FLT4: variants seen among roughly 807,000 people sequenced by gnomAD.
FLT4 encodes the protein vascular endothelial growth factor receptor 3.
A neutral mutation model predicts 163.2 loss-of-function variants in FLT4; 30 were observed. The observed-to-expected ratio is 0.18, with a 90% confidence interval of 0.14 to 0.25. The LOEUF is 0.25. FLT4 is among the 10% of genes least tolerant of loss of function. The pLI, the probability that FLT4 is intolerant of heterozygous loss-of-function variation, is 1.00. For synonymous variants in FLT4, 884 were observed against 789.5 expected (o/e 1.12, Z -2.01); for missense variants, 1,510 against 1,863.8 (o/e 0.81, Z 3.50).
chr5:180,638,667 C>T (rs201473657), intron 1 of FLT4, among the ~76,000 whole-genome samples: 1 of 152,172 alleles, frequency 6.6e-6, no homozygotes, highest in Admixed American at 6.5e-5. Context: ...TTCACATTCA[C>T]GTCCTCCAGC....
At position 180,630,213 on chromosome 5, in the gene FLT4, G is replaced by A. The variant is rs2127836750; in HGVS notation, c.513+12C>T. ...GGGAGGGTCGGATGCTGGGGTTGGG[G>A]TGGGGCCGTACCGAGCGCAGCGTGA... On this transcript the variant is annotated intron_variant, in intron 4 of 29. Transcript: ENST00000261937. The surrounding 1 kb of genome is among the most constrained non-coding windows in gnomAD (Gnocchi z 6.3). 6.2e-7 allele frequency: 1 copy of A among 1,611,092 alleles called. No individual in the cohort carries two copies. Among genetic ancestry groups the A allele is most frequent in the South Asian group, 1.1e-5 (1 of 91,044 alleles).
intron 1 of FLT4, among the ~76,000 whole-genome samples, chr5:180,634,435 G>A (rs964133149): frequency 2.0e-5 from 3 of 152,154 alleles, no homozygotes; most frequent in African/African-American, 7.2e-5. Context: ...AGGCGTGGTG[G>A]CTCACGCCTG....
Position 180,603,055 on chromosome 5 carries a change from G to A in FLT4, c.*137C>T. The A allele has an allele frequency of 1.2e-6, 1 of 842,536 alleles. No individual in the cohort carries two copies. The highest frequency in any genetic ancestry group is 2.1e-5 in the Admixed American group (1 of 47,536). 52.2% of individuals were successfully genotyped at this position (842,536 alleles called of 1,614,324 possible). On this transcript the variant is annotated 3_prime_UTR_variant, in exon 30 of 30. Transcript: ENST00000261937. ...CTGGAGTCCTGCTCTTCCTAGCTGG[G>A]AAGTCTGCAGAGAGGGAAGAGGACA...
intron 10 of FLT4, 69 bp from the exon 11 acceptor site, chr5:180,624,130 G>T: frequency 2.5e-6 from 4 of 1,583,300 alleles, no homozygotes; most frequent in Non-Finnish European, 3.4e-6. Context: ...GGGGGGCGGG[G>T]TCAAGCCCTT....
Position 180,628,806 on chromosome 5 carries a change from G to A in FLT4, c.1103+76C>T, listed in dbSNP as rs534542780. On this transcript the variant is annotated intron_variant, in intron 8 of 29. Transcript: ENST00000261937. ...GGTCCTGACGGGGAGGACGCTGCCC[G>A]TCTTCCCCTATGGTCTGTTTTGCCC... 82 of 1,053,392 alleles carry A rather than the reference G, an allele frequency of 7.8e-5. No individual in the cohort carries two copies. The African/African-American group carries it at 1.0e-3, about 13-fold the overall frequency. The allele number at this position is 1,053,392 out of a possible 1,614,324, so 65.3% of individuals were successfully genotyped here.
chr5:180,636,099 C>G lies in FLT4; in HGVS notation c.59-4321G>C, dbSNP rs879881023. ...TGTAGGAGCTTCCTCCTGAAGGCAC[C>G]GTGCCACCAAAGGAAGCACCTGCAT... On this transcript the variant is annotated intron_variant, in intron 1 of 29. Transcript: ENST00000261937. This position sits in a 1 kb window ranked among gnomAD's most constrained non-coding sequence, Gnocchi z 4.3. Among the ~76,000 whole-genome samples, 1 of 151,902 alleles carries G rather than the reference C, an allele frequency of 6.6e-6. No homozygotes were observed. The highest frequency in any genetic ancestry group is 1.5e-5 in the Non-Finnish European group (1 of 67,936).
At chr5:180,609,198 G>A (rs559937755) in intron 28 of FLT4, 145 bp from the exon 29 acceptor site, 155 of 706,578 alleles carry the variant, frequency 2.2e-4, no homozygotes, top group Admixed American at 2.1e-3. Flanking sequence ...GAAACAAGGC[G>A]TCCATTCCAT....
chr5:180,648,483 A>G (rs183375368), intron 1 of FLT4, among the ~76,000 whole-genome samples: 2 of 152,276 alleles, frequency 1.3e-5, no homozygotes, highest in South Asian at 2.1e-4. Context: ...TTTAATTCCT[A>G]TGGCGTGCAG....
intron 27 of FLT4, among the ~76,000 whole-genome samples, chr5:180,611,005 C>T (rs563257579): frequency 2.0e-5 from 3 of 152,188 alleles, no homozygotes; most frequent in South Asian, 2.1e-4. Flanking sequence ...TGCGGTGAGC[C>T]GAGATCGCGC....
In FLT4 at chr5:180,620,715, C is replaced by A. The variant is rs760862462; in HGVS notation, c.2300G>T (p.Gly767Val). The A allele has an allele frequency of 8.7e-6, 14 of 1,612,248 alleles. No homozygotes were observed. Among genetic ancestry groups the A allele is most frequent in the South Asian group, 5.5e-5 (5 of 91,030 alleles). ...VNSSASVAVEGSEDKGSMEIV... is the reference protein window; with the variant it reads ...VNSSASVAVEVSEDKGSMEIV... ...CTCCATGCTGCCCTTATCCTCGGAG[C>A]CTGCGTGGGCAGAAAGGGGCCGGCG... The change falls in exon 16 of 30, where the codon GGC becomes GTC. Residue 767 changes from glycine (G) to valine (V), a missense_variant and splice_region_variant. Gly to Val is a moderately radical substitution (Grantham distance 109). Coordinates refer to ENST00000261937, the MANE Select transcript of FLT4 (RefSeq NM_182925.5). The surrounding 1 kb of genome is among the most constrained non-coding windows in gnomAD (Gnocchi z 4.4).
In FLT4 at chr5:180,618,933, G is replaced by C. The variant is rs546124979; in HGVS notation, c.2851-13C>G. ...CGGGAGACTTCTCCTGCGGATGCAC[G>C]AAGCTGGCTCGAGGGCGCCCAGTCG... On this transcript the variant is annotated splice_polypyrimidine_tract_variant and intron_variant, in intron 20 of 29. Coordinates refer to ENST00000261937, the MANE Select transcript of FLT4 (RefSeq NM_182925.5). The C allele has an allele frequency of 1.8e-5, 28 of 1,578,760 alleles. No individual in the cohort carries two copies. The highest frequency in any genetic ancestry group is 2.3e-5 in the Non-Finnish European group (27 of 1,163,204).
chr5:180,612,068 G>A (rs1020108139), intron 26 of FLT4, among the ~76,000 whole-genome samples: 2 of 152,160 alleles, frequency 1.3e-5, no homozygotes, highest in African/African-American at 2.4e-5. Flanking sequence ...GTCACAAGCC[G>A]GCTCCATCCC....
At chr5:180,622,943 G>T in intron 11 of FLT4, 104 bp from the exon 12 acceptor site, 2 of 758,044 alleles carry the variant, frequency 2.6e-6, no homozygotes, top group Non-Finnish European at 4.5e-6. Context: ...CCCCAATCAT[G>T]GGGGAAACTG....
intron 21 of FLT4, 25 bp downstream of exon 21, chr5:180,618,744 GA>G (rs2127806453): frequency 6.3e-7 from 1 of 1,577,438 alleles, no homozygotes. Context: ...CAGGCACTAG[GA>G]AAAGGGAAGA....
chr5:180,639,365 A>G (rs1581704971), intron 1 of FLT4, among the ~76,000 whole-genome samples: 1 of 59,836 alleles, frequency 1.7e-5, no homozygotes, highest in Middle Eastern at 0.011. Context: ...ATGGACAGGT[A>G]GATGAGTGGA....
chr5:180,619,724 G>A lies in FLT4; in HGVS notation c.2588C>T (p.Ser863Phe). 4 of 1,612,652 alleles carry A rather than the reference G, an allele frequency of 2.5e-6. No homozygotes were observed. The highest frequency in any genetic ancestry group is 3.4e-6 in the Non-Finnish European group (4 of 1,179,912). ...GCTGCCCTTGTGGATGCCGAAAGCG[G>A]AGGCTTCCACCACCTTCCCGAAGGC... ...YGAFGKVVEA[S>F]AFGIHKGSSC... The change falls in exon 18 of 30, where the codon TCC (serine) becomes TTC (phenylalanine). Residue 863 changes from serine (S) to phenylalanine (F), a missense_variant. Coordinates refer to ENST00000261937, the MANE Select transcript of FLT4 (RefSeq NM_182925.5).
intron 1 of FLT4, among the ~76,000 whole-genome samples, chr5:180,643,495 C>G (rs894451847): frequency 3.3e-5 from 5 of 152,014 alleles, no homozygotes; most frequent in African/African-American, 1.2e-4. Context: ...GCTCTCCCCC[C>G]GGGTGGCAAT....
chr5:180,610,671 G>A (rs1194949821), intron 27 of FLT4, among the ~76,000 whole-genome samples: 1 of 152,096 alleles, frequency 6.6e-6, no homozygotes, highest in Non-Finnish European at 1.5e-5. Flanking sequence ...GGACTCTTGG[G>A]GACTCACCCC....
Position 180,619,215 on chromosome 5 carries a change from C to T in FLT4, c.2761+38G>A, listed in dbSNP as rs1248283356. 1.3e-6 allele frequency: 2 copies of T among 1,504,200 alleles called. 1 individual carries two copies. The highest frequency in any genetic ancestry group is 4.0e-5 in the Admixed American group (2 of 50,142). The allele number at this position is 1,504,200 out of a possible 1,614,324, so 93.2% of individuals were successfully genotyped here. On this transcript the variant is annotated intron_variant, in intron 19 of 29. Coordinates refer to ENST00000261937, the MANE Select transcript of FLT4 (RefSeq NM_182925.5). ...CCTCCCGCCCGCGGCGCCCCGCGCC[C>T]GGGGTCTCGCCGTCCCAGCGGGCCG...
Sources: allele counts gnomAD v4.1 joint callset (sites outside exome capture counted in the v4.1 genomes callset), GRCh38; gene constraint gnomAD v4.1.1; non-coding constraint Gnocchi (gnomAD v3.1); transcripts MANE v1.5; gene names NCBI Gene and HGNC (gene_info 2026-07-23, HGNC 2026-07-21).